The following KCTD8 variants were observed in gnomAD, a reference collection of about 807,000 sequenced individuals.
The protein encoded by KCTD8 is BTB/POZ domain-containing protein KCTD8.
KCTD8 carries 27 observed loss-of-function variants against 31.5 expected under a neutral mutation model. The observed-to-expected ratio is 0.86, with a 90% CI of 0.63 to 1.18. The LOEUF is 1.18. Ranked by LOEUF, KCTD8 falls within the 50% of genes most tolerant of loss-of-function variation. KCTD8 has a pLI of 0.00. For synonymous variants in KCTD8, 290 were observed against 280.0 expected, an observed-to-expected ratio of 1.04 and a Z score of -0.36; for missense variants, 658 against 647.7, an observed-to-expected ratio of 1.02 and a Z score of -0.17.
chr4:44,285,456 A>G (rs550727550), intron 1 of KCTD8, among the ~76,000 whole-genome samples: 16 of 151,842 alleles, frequency 1.1e-4, no homozygotes, highest in African/African-American at 3.9e-4. Context: ...GGAACATCAC[A>G]CACTGGGGCC....
At chr4:44,299,987 G>C (rs1400579549) in intron 1 of KCTD8, among the ~76,000 whole-genome samples, 1 of 151,766 alleles carries the variant, frequency 6.6e-6, no homozygotes, top group Admixed American at 6.6e-5. Context: ...TCCTGACCTC[G>C]TGACCACCCG....
rs893198990 is a variant in KCTD8 at position 44,389,275 on chromosome 4, A to G, written c.961+58288T>C. On this transcript the variant is annotated intron_variant, in intron 1 of 1. Transcript: ENST00000360029. ...ATGTGTACATTTTAAAATAAACAGT[A>G]TAATTGAGTTGTCTATAACATAAAG... Among the ~76,000 whole-genome samples the G allele has an allele frequency of 2.0e-5, 3 of 151,830 alleles. No homozygotes were observed. In the East Asian group the frequency reaches 5.8e-4, roughly 29 times the overall value.
intron 1 of KCTD8, among the ~76,000 whole-genome samples, chr4:44,356,754 G>C (rs2109427776): frequency 6.6e-6 from 1 of 152,268 alleles, no homozygotes; most frequent in Admixed American, 6.5e-5. Context: ...TTACAGGTGT[G>C]AGCCACCGTG....
intron 1 of KCTD8, among the ~76,000 whole-genome samples, chr4:44,331,628 T>C (rs1017351015): frequency 1.3e-5 from 2 of 151,106 alleles, no homozygotes; most frequent in African/African-American, 2.4e-5. Context: ...CCTGTTGATT[T>C]TGAAGATGAT....
chr4:44,263,666 A>C (rs1178056330), intron 1 of KCTD8, among the ~76,000 whole-genome samples: 3 of 152,190 alleles, frequency 2.0e-5, no homozygotes, highest in Non-Finnish European at 4.4e-5. Flanking sequence ...ATGGTTTTAA[A>C]ATATGGAAAG....
At chr4:44,279,377 C>T (rs541414674) in intron 1 of KCTD8, among the ~76,000 whole-genome samples, 71 of 151,984 alleles carry the variant, frequency 4.7e-4, no homozygotes, top group Non-Finnish European at 6.9e-4. Flanking sequence ...AATTCAGTTC[C>T]TGTCCATGCT....
chr4:44,343,425 A>G (rs1340028676), intron 1 of KCTD8, among the ~76,000 whole-genome samples: 1 of 152,212 alleles, frequency 6.6e-6, no homozygotes, highest in Non-Finnish European at 1.5e-5. Context: ...AAATAGTGAC[A>G]TCAAAGATTA....
intron 1 of KCTD8, among the ~76,000 whole-genome samples, chr4:44,320,082 G>T (rs915692082): frequency 2.2e-5 from 3 of 135,810 alleles, no homozygotes; most frequent in African/African-American, 8.3e-5. Flanking sequence ...TGAGGCAGGA[G>T]AATCACTTGA....
Position 44,175,028 on chromosome 4 carries a change from T to G in KCTD8, c.1184A>C (p.Lys395Thr). Residue 395 changes from lysine (K) to threonine (T), a missense_variant, in exon 2 of 2, where the codon AAA becomes ACA. Lys to Thr is a moderately conservative substitution (Grantham distance 78). Transcript: ENST00000360029. Reference sequence around the variant, plus strand: ...TGGGGGTATCCATTGTACAGGTGCTTTTTTAGAGGGGCGATCCAATGTTAA... The same window carrying G: ...TGGGGGTATCCATTGTACAGGTGCTGTTTTAGAGGGGCGATCCAATGTTAA... ...NTLTLDRPSK[K>T]APVQWIPPPD... 6.2e-7 allele frequency: 1 copy of G among 1,614,038 alleles called. No homozygotes were observed. Among genetic ancestry groups the G allele is most frequent in the Non-Finnish European group, 8.5e-7 (1 of 1,179,970 alleles).
At chr4:44,398,299 C>T (rs1720561044) in intron 1 of KCTD8, among the ~76,000 whole-genome samples, 2 of 152,200 alleles carry the variant, frequency 1.3e-5, no homozygotes, top group Admixed American at 1.3e-4. Context: ...GCCCAGTCAT[C>T]TGAAAGAGTT....
At chr4:44,370,603 A>C (rs1038042287) in intron 1 of KCTD8, among the ~76,000 whole-genome samples, 1 of 152,124 alleles carries the variant, frequency 6.6e-6, no homozygotes, top group Non-Finnish European at 1.5e-5. Context: ...CTCAGATATC[A>C]TGTTTTCTTT....
At chr4:44,263,260 T>A (rs1477458459) in intron 1 of KCTD8, among the ~76,000 whole-genome samples, 2 of 152,164 alleles carry the variant, frequency 1.3e-5, no homozygotes, top group Admixed American at 1.3e-4. Flanking sequence ...TCTAGGTAGA[T>A]GAAGGAACTA....
chr4:44,190,348 C>T (rs1713728558), intron 1 of KCTD8, among the ~76,000 whole-genome samples: 1 of 152,236 alleles, frequency 6.6e-6, no homozygotes, highest in Non-Finnish European at 1.5e-5. Flanking sequence ...ATATCACATG[C>T]ATTCCTGTCT....
intron 1 of KCTD8, among the ~76,000 whole-genome samples, chr4:44,245,558 G>GA (rs142621990): frequency 6.6e-6 from 1 of 151,650 alleles, no homozygotes; most frequent in Non-Finnish European, 1.5e-5. Context: ...TATTTGCAGG[G>GA]AAAAAATTTA....
chr4:44,214,721 T>A (rs1714599294), intron 1 of KCTD8, among the ~76,000 whole-genome samples: 1 of 152,140 alleles, frequency 6.6e-6, no homozygotes, highest in South Asian at 2.1e-4. Context: ...TGGGAGAAAG[T>A]TTATAGTTTA....
chr4:44,235,550 T>TATATATATAC (rs1715256105), intron 1 of KCTD8, among the ~76,000 whole-genome samples: 1 of 87,364 alleles, frequency 1.1e-5, no homozygotes, highest in African/African-American at 5.3e-5. Context: ...TATATATATA[T>TATATATATAC]ATATATATAT....
chr4:44,300,186 T>G (rs1006972198), intron 1 of KCTD8, among the ~76,000 whole-genome samples: 1 of 152,218 alleles, frequency 6.6e-6, no homozygotes, highest in South Asian at 2.1e-4. Context: ...TACACACTTA[T>G]GAGTAAATTA....
intron 1 of KCTD8, among the ~76,000 whole-genome samples, chr4:44,211,388 A>G (rs1165644634): frequency 6.6e-6 from 1 of 152,190 alleles, no homozygotes; most frequent in Non-Finnish European, 1.5e-5. Flanking sequence ...CACATATATA[A>G]TATCTGGTCT....
intron 1 of KCTD8, among the ~76,000 whole-genome samples, chr4:44,235,712 A>G (rs912621352): frequency 6.6e-5 from 10 of 151,494 alleles, no homozygotes; most frequent in East Asian, 2.0e-4. Flanking sequence ...TAAGTAGTAC[A>G]TAGGATTTAA....
Sources: allele counts gnomAD v4.1 joint callset (sites outside exome capture counted in the v4.1 genomes callset), GRCh38; gene constraint gnomAD v4.1.1; transcripts MANE v1.5; gene names NCBI Gene and HGNC (gene_info 2026-07-23, HGNC 2026-07-21).